Variants in GRIK1 observed in about 807,000 individuals in gnomAD.
The protein encoded by GRIK1 is glutamate receptor ionotropic, kainate 1.
A neutral mutation model predicts 105.7 loss-of-function variants in GRIK1; 69 were observed. That is an observed-to-expected ratio of 0.65 (90% CI 0.54 to 0.80). GRIK1 has a LOEUF of 0.80. GRIK1 is among the 30% of genes least tolerant of loss of function. GRIK1 has a pLI of 0.00. For missense variants in GRIK1, 1,109 were observed against 1,167.3 expected (o/e 0.95, Z 0.73); for synonymous variants, 438 against 431.3 (o/e 1.02, Z -0.19).
chr21:29,543,526 ATTTCC>A, intron 16 of GRIK1, among the ~76,000 whole-genome samples: 1 of 152,142 alleles, frequency 6.6e-6, no homozygotes, highest in Non-Finnish European at 1.5e-5. Context: ...TTTGGGCAGC[ATTTCC>A]TGTGGTTTGA....
chr21:29,633,541 C>A (rs1199170642), intron 7 of GRIK1, among the ~76,000 whole-genome samples: 1 of 151,704 alleles, frequency 6.6e-6, no homozygotes, highest in Non-Finnish European at 1.5e-5. Flanking sequence ...AAATAAATTT[C>A]TGTTCTTTAT....
At chr21:29,705,104 A>C (rs1232128279) in intron 1 of GRIK1, among the ~76,000 whole-genome samples, 1 of 152,226 alleles carries the variant, frequency 6.6e-6, no homozygotes, top group East Asian at 1.9e-4. Flanking sequence ...TATGTGTTGC[A>C]TCCCAATTTT....
rs149344942 is a variant in GRIK1, at chr21:29,831,179, C to T, written c.118+108204G>A. Reference sequence around the variant, plus strand: ...AGAGCTAGAGACAAATGTTTGTGCCCAACCTTCATAAATAAGGAGTGAGAA... The same window carrying T: ...AGAGCTAGAGACAAATGTTTGTGCCTAACCTTCATAAATAAGGAGTGAGAA... On this transcript the variant is annotated intron_variant, in intron 1 of 17. Transcript: ENST00000327783. Among the ~76,000 whole-genome samples, 304 of 152,212 alleles carry T rather than the reference C, an allele frequency of 2.0e-3. 1 individual carries two copies. The highest frequency in any genetic ancestry group is 6.9e-3 in the African/African-American group (287 of 41,550).
In GRIK1 at chr21:29,902,586, GA is replaced by G. The variant is rs1173176811; in HGVS notation, c.118+36796del. 5.3e-5 allele frequency among the ~76,000 whole-genome samples: 8 copies of G among 152,266 alleles called. No homozygotes were observed. In the East Asian group the frequency reaches 1.2e-3, roughly 22 times the overall value. On this transcript the variant is annotated intron_variant, in intron 1 of 17. Coordinates refer to ENST00000327783, the MANE Select transcript of GRIK1 (RefSeq NM_001330994.2). Reference sequence around the variant, plus strand: ...AAATACCTAGGAATACAACTTACAAGAGATGTGAAGGACCTCTTCAAGGAGA... The same window carrying G: ...AAATACCTAGGAATACAACTTACAAGGATGTGAAGGACCTCTTCAAGGAGA...
Position 29,843,499 on chromosome 21 carries a change from T to G in GRIK1, c.118+95884A>C, listed in dbSNP as rs1292488085. 2.6e-5 allele frequency among the ~76,000 whole-genome samples: 4 copies of G among 152,350 alleles called. No individual in the cohort carries two copies. In the South Asian group the frequency reaches 8.3e-4, roughly 32 times the overall value. On this transcript the variant is annotated intron_variant, in intron 1 of 17. Coordinates refer to ENST00000327783, the MANE Select transcript of GRIK1 (RefSeq NM_001330994.2). ...TGATTGATGGTTACATAACTCCAAC[T>G]GTGCCAATATTTTGAAATTTGTTGA...
chr21:29,694,393 G>A (rs2063652367), intron 1 of GRIK1, among the ~76,000 whole-genome samples: 1 of 151,858 alleles, frequency 6.6e-6, no homozygotes, highest in Non-Finnish European at 1.5e-5. Flanking sequence ...CAAAGTTCTG[G>A]GATTACAAGC....
At position 29,673,134 on chromosome 21, in the gene GRIK1, G is replaced by T; in HGVS notation, c.575C>A (p.Ala192Asp). 1.2e-6 allele frequency: 2 copies of T among 1,611,778 alleles called. No individual in the cohort carries two copies. The highest frequency in any genetic ancestry group is 1.7e-6 in the Non-Finnish European group (2 of 1,178,100). The change falls in exon 4 of 18, where the codon GCT becomes GAT. Residue 192 changes from alanine (A) to aspartate (D), a missense_variant. Physicochemically the swap from Ala to Asp is moderately radical, Grantham distance 126. Coordinates refer to ENST00000327783, the MANE Select transcript of GRIK1 (RefSeq NM_001330994.2). Reference sequence around the variant, plus strand: ...GATTTTAATATTATATCTGGAGGGAGCTTTGATGAGCTCTTGTAGACGAAT... The same window carrying T: ...GATTTTAATATTATATCTGGAGGGATCTTTGATGAGCTCTTGTAGACGAAT... Reference protein sequence around the residue: ...GLIRLQELIKAPSRYNIKIKI... With the variant: ...GLIRLQELIKDPSRYNIKIKI...
At chr21:29,781,657 C>CTTTTTTTTTTTT (rs71191125) in intron 1 of GRIK1, among the ~76,000 whole-genome samples, 2 of 69,274 alleles carry the variant, frequency 2.9e-5, no homozygotes, top group Non-Finnish European at 2.5e-5. Flanking sequence ...CCTACTGTTT[C>CTTTTTTTTTTTT]TTTTTTTTTT....
intron 1 of GRIK1, among the ~76,000 whole-genome samples, chr21:29,808,644 C>T (rs960472482): frequency 6.6e-6 from 1 of 152,160 alleles, no homozygotes; most frequent in Non-Finnish European, 1.5e-5. Flanking sequence ...CAGTGTTCCT[C>T]CTTCATGCTT....
intron 1 of GRIK1, among the ~76,000 whole-genome samples, chr21:29,792,170 G>A (rs940897391): frequency 2.6e-5 from 4 of 152,046 alleles, no homozygotes; most frequent in Non-Finnish European, 4.4e-5. Flanking sequence ...GTATATGTAT[G>A]TGTATATGTA....
intron 1 of GRIK1, among the ~76,000 whole-genome samples, chr21:29,708,526 G>T (rs1455737344): frequency 6.6e-6 from 1 of 152,146 alleles, no homozygotes; most frequent in Non-Finnish European, 1.5e-5. Context: ...TTTCCCTTCG[G>T]AATACATGCG....
At chr21:29,549,066 C>T (rs994866018) in intron 16 of GRIK1, among the ~76,000 whole-genome samples, 2 of 152,124 alleles carry the variant, frequency 1.3e-5, no homozygotes, top group African/African-American at 4.8e-5. Context: ...GAGGTCCCAC[C>T]ATGTTGCCCA....
chr21:29,927,033 A>T (rs1300879918), intron 1 of GRIK1, among the ~76,000 whole-genome samples: 1 of 152,142 alleles, frequency 6.6e-6, no homozygotes, highest in Non-Finnish European at 1.5e-5. Flanking sequence ...TTTCAAACTC[A>T]GTTGTATGTA....
At position 29,775,772 on chromosome 21, in the gene GRIK1, G is replaced by A. The variant is rs140509650; in HGVS notation, c.119-81709C>T. On this transcript the variant is annotated intron_variant, in intron 1 of 17. Transcript: ENST00000327783. ...ATTTTAGAACTTCTCCCCAAAACCTGTTCTTCTTAGCATTCCTTCTTCACT... is the reference window on the plus strand; with the variant it reads ...ATTTTAGAACTTCTCCCCAAAACCTATTCTTCTTAGCATTCCTTCTTCACT... 5.5e-4 allele frequency among the ~76,000 whole-genome samples: 83 copies of A among 152,248 alleles called. 2 individuals are homozygous for A. In the East Asian group the frequency reaches 0.015, roughly 27 times the overall value.
At chr21:29,572,862 C>A (rs879908243) in intron 14 of GRIK1, among the ~76,000 whole-genome samples, 1 of 152,096 alleles carries the variant, frequency 6.6e-6, no homozygotes, top group Admixed American at 6.5e-5. Context: ...CCTCAGCCTC[C>A]CTGGTTCAAG....
chr21:29,814,212 A>G (rs1224531619), intron 1 of GRIK1, among the ~76,000 whole-genome samples: 1 of 151,456 alleles, frequency 6.6e-6, no homozygotes, highest in African/African-American at 2.4e-5. Flanking sequence ...CGGCCTCCCA[A>G]AGTGCTGGGA....
chr21:29,621,760 A>C (rs2062008824), intron 7 of GRIK1, among the ~76,000 whole-genome samples: 1 of 152,152 alleles, frequency 6.6e-6, no homozygotes, highest in Admixed American at 6.5e-5. Flanking sequence ...AGGGTGTACT[A>C]ATTTCAGAAT....
At chr21:29,683,170 C>T (rs2063415152) in intron 3 of GRIK1, among the ~76,000 whole-genome samples, 1 of 152,198 alleles carries the variant, frequency 6.6e-6, no homozygotes, top group Non-Finnish European at 1.5e-5. Flanking sequence ...AACACTTATA[C>T]ACTGTTGGTG....
chr21:29,798,672 GA>G (rs1156707372), intron 1 of GRIK1, among the ~76,000 whole-genome samples: 2 of 152,138 alleles, frequency 1.3e-5, no homozygotes, highest in African/African-American at 4.8e-5. Flanking sequence ...AACATTAAAA[GA>G]AACACTTTTC....
Sources: allele counts gnomAD v4.1 joint callset (sites outside exome capture counted in the v4.1 genomes callset), GRCh38; gene constraint gnomAD v4.1.1; transcripts MANE v1.5; gene names NCBI Gene and HGNC (gene_info 2026-07-23, HGNC 2026-07-21).